NUP153: variants seen among roughly 807,000 people sequenced by gnomAD.
The protein encoded by NUP153 is nucleoporin 153.
Under a neutral mutation model 134.6 loss-of-function variants are expected in NUP153, and 27 were observed. The ratio of observed to expected loss-of-function variants is 0.20; its 90% CI spans 0.15 to 0.28. NUP153 has a LOEUF of 0.28. Among genes scored for constraint, NUP153 ranks in the 10% least tolerant of loss-of-function variants. The pLI, the probability that NUP153 is intolerant of heterozygous loss-of-function variation, is 1.00. For synonymous variants in NUP153, 640 were observed against 623.5 expected (o/e 1.03, Z -0.40); for missense variants, 1,821 against 1,731.3 (o/e 1.05, Z -0.92).
At position 17,705,588 on chromosome 6, in the gene NUP153, G is replaced by T. The variant is rs531633929; in HGVS notation, c.111+689C>A. On this transcript the variant is annotated intron_variant, in intron 1 of 21. Coordinates refer to ENST00000262077, the MANE Select transcript of NUP153 (RefSeq NM_005124.4). ...ATAAAGGCGGGGGTGGCGGTGTTGG[G>T]GGGGGGGAGGGGAGTCGCGCAGCAG... is the stretch of plus-strand genomic sequence containing the variant. Among the ~76,000 whole-genome samples, 4 of 150,358 alleles carry T rather than the reference G, an allele frequency of 2.7e-5. No individual in the cohort carries two copies. The South Asian group carries it at 6.4e-4, about 24-fold the overall frequency.
intron 12 of NUP153, among the ~76,000 whole-genome samples, 165 bp from the exon 13 acceptor site, chr6:17,648,070 TA>T (rs1456327613): frequency 6.6e-6 from 1 of 152,230 alleles, no homozygotes; most frequent in East Asian, 1.9e-4. Context: ...AACTGTGTTA[TA>T]AAATGTGGCT....
intron 11 of NUP153, chr6:17,652,045 A>C (rs1325104011): frequency 2.6e-6 from 1 of 383,352 alleles, no homozygotes; most frequent in Non-Finnish European, 4.6e-6. Context: ...GTGACATCTC[A>C]TCTCAAAAAT....
intron 1 of NUP153, among the ~76,000 whole-genome samples, chr6:17,702,125 T>C (rs1770152910): frequency 1.3e-5 from 2 of 152,128 alleles, no homozygotes; most frequent in Admixed American, 1.3e-4. Context: ...TTTCTGTGCC[T>C]GACAATCTGA....
intron 16 of NUP153, 100 bp from the exon 17 acceptor site, chr6:17,632,944 C>A: frequency 1.3e-6 from 1 of 794,308 alleles, no homozygotes; most frequent in Non-Finnish European, 1.9e-6. Context: ...TTTAAGTGTT[C>A]AGTTTCTAAT....
intron 5 of NUP153, among the ~76,000 whole-genome samples, chr6:17,673,053 A>G (rs1009686461): frequency 2.6e-5 from 4 of 152,162 alleles, no homozygotes; most frequent in Non-Finnish European, 4.4e-5. Context: ...ACGCACACAC[A>G]CACACAAAAG....
intron 17 of NUP153, 90 bp from the exon 18 acceptor site, chr6:17,629,629 G>C (rs1765129474): frequency 4.1e-6 from 5 of 1,225,800 alleles, no homozygotes; most frequent in South Asian, 1.6e-5. Context: ...AAGAAACATA[G>C]GAGTAACTTT....
At chr6:17,647,972 G>T in intron 12 of NUP153, 67 bp from the exon 13 acceptor site, 1 of 967,808 alleles carries the variant, frequency 1.0e-6, no homozygotes, top group Non-Finnish European at 1.6e-6. Context: ...TGACAAAAAA[G>T]ACATTAAGCA....
intron 17 of NUP153, 40 bp from the exon 18 acceptor site, chr6:17,629,579 A>G (rs758320159): frequency 5.1e-5 from 78 of 1,515,096 alleles, no homozygotes; most frequent in Middle Eastern, 1.9e-4. Context: ...CACTCAATGT[A>G]CTGATCCTCT....
chr6:17,696,008 C>CA lies in NUP153; in HGVS notation c.112-7391dup, dbSNP rs113118202. The stretch of plus-strand genomic sequence containing the variant: ...TGGGTGACAGAGTGAGACTCCGTCT[C>CA]AAAAAAAAAAACAGAAAAAGAAAAT... On this transcript the variant is annotated intron_variant, in intron 1 of 21. Coordinates refer to ENST00000262077, the MANE Select transcript of NUP153 (RefSeq NM_005124.4). Among the ~76,000 whole-genome samples, 816 of 134,120 alleles carry CA rather than the reference C, an allele frequency of 6.1e-3. 1 individual carries two copies. Among genetic ancestry groups the CA allele is most frequent in the African/African-American group, 0.016 (588 of 36,684 alleles). The allele number at this position is 134,120 out of a possible 152,430, so 88.0% of individuals were successfully genotyped here.
rs1369724941 is a variant in NUP153, at chr6:17,628,397, A to C, written c.3544+258T>G. Reference sequence around the variant, plus strand: ...CAAACAGAAGAGAAAGACACACATAAATATGCACTATATTGAGCTTTGCAT... The same window carrying C: ...CAAACAGAAGAGAAAGACACACATACATATGCACTATATTGAGCTTTGCAT... On this transcript the variant is annotated intron_variant, in intron 18 of 21. Coordinates refer to ENST00000262077, the MANE Select transcript of NUP153 (RefSeq NM_005124.4). This position sits in a 1 kb window ranked among gnomAD's most constrained non-coding sequence, Gnocchi z 5.4. Among the ~76,000 whole-genome samples the C allele has an allele frequency of 1.3e-5, 2 of 152,168 alleles. No homozygotes were observed. Among genetic ancestry groups the C allele is most frequent in the South Asian group, 2.1e-4 (1 of 4,832 alleles).
rs1168842656 is a variant in NUP153, at chr6:17,625,002, T to C, written c.3902-169A>G. 1.3e-5 allele frequency among the ~76,000 whole-genome samples: 2 copies of C among 152,196 alleles called. No homozygotes were observed. Among genetic ancestry groups the C allele is most frequent in the African/African-American group, 4.8e-5 (2 of 41,450 alleles). The stretch of plus-strand genomic sequence containing the variant: ...AATAATGATTGAGAATACAACGCTC[T>C]CTACCATTATTTAGTGAAACATACT... On this transcript the variant is annotated intron_variant, in intron 19 of 21. Coordinates refer to ENST00000262077, the MANE Select transcript of NUP153 (RefSeq NM_005124.4). This position sits in a 1 kb window ranked among gnomAD's most constrained non-coding sequence, Gnocchi z 4.7.
At chr6:17,635,679 G>A (rs1033729247) in intron 16 of NUP153, among the ~76,000 whole-genome samples, 13 of 152,172 alleles carry the variant, frequency 8.5e-5, no homozygotes, top group African/African-American at 2.4e-4. Context: ...GATTACAGGC[G>A]TGAGCCACAG....
intron 1 of NUP153, among the ~76,000 whole-genome samples, chr6:17,691,459 T>C (rs1769269368): frequency 6.6e-6 from 1 of 152,092 alleles, no homozygotes; most frequent in African/African-American, 2.4e-5. Flanking sequence ...TTAAAAGCTA[T>C]AATACAGTTT....
rs757766943 is a variant in NUP153 at position 17,638,943 on chromosome 6, T to C, written c.1846+996A>G. Among the ~76,000 whole-genome samples the C allele has an allele frequency of 1.3e-5, 2 of 152,232 alleles. No individual in the cohort carries two copies. Among genetic ancestry groups the C allele is most frequent in the Non-Finnish European group, 2.9e-5 (2 of 68,038 alleles). On this transcript the variant is annotated intron_variant, in intron 15 of 21. Coordinates refer to ENST00000262077, the MANE Select transcript of NUP153 (RefSeq NM_005124.4). The surrounding 1 kb of genome is among the most constrained non-coding windows in gnomAD (Gnocchi z 4.0). ...AGAAAAATTGAATCCTCCTAAATCC[T>C]GTTGTAAAAGCCAACCTTATTTTTT...
At position 17,625,950 on chromosome 6, in the gene NUP153, T is replaced by C. The variant is rs375926589; in HGVS notation, c.3759A>G (p.Leu1253=). 1.6e-5 allele frequency: 26 copies of C among 1,614,044 alleles called. 1 individual carries two copies. The highest frequency in any genetic ancestry group is 1.6e-4 in the Middle Eastern group (1 of 6,062). Reference sequence around the variant, plus strand: ...TTGCTAGTTTGCTATCTTGAGAAAATAGCAAAGACTGAGAGGTGCTGGATT... The same window carrying C: ...TTGCTAGTTTGCTATCTTGAGAAAACAGCAAAGACTGAGAGGTGCTGGATT... ...TAESSTSQSL[L]FSQDSKLATT... Residue 1253 remains leucine (L), a synonymous_variant, in exon 19 of 22, where the codon CTA becomes CTG. Transcript: ENST00000262077. The surrounding 1 kb of genome is among the most constrained non-coding windows in gnomAD (Gnocchi z 4.7).
chr6:17,649,118 T>A (rs1021684259), intron 12 of NUP153, 45 bp downstream of exon 12: 2 of 1,522,046 alleles, frequency 1.3e-6, no homozygotes, highest in African/African-American at 2.8e-5. Flanking sequence ...AATAAAGAAT[T>A]AAGAAAGAAC....
At chr6:17,631,510 A>C (rs918831974) in intron 17 of NUP153, among the ~76,000 whole-genome samples, 2 of 152,124 alleles carry the variant, frequency 1.3e-5, no homozygotes, top group Non-Finnish European at 2.9e-5. Context: ...CCCCCATCCC[A>C]TCCTCTCACC....
At chr6:17,673,297 G>A (rs1768025821) in intron 5 of NUP153, among the ~76,000 whole-genome samples, 1 of 152,102 alleles carries the variant, frequency 6.6e-6, no homozygotes, top group South Asian at 2.1e-4. Flanking sequence ...GAACCCAGGA[G>A]GTGGAGGGTG....
At chr6:17,634,668 C>G (rs1765433706) in intron 16 of NUP153, among the ~76,000 whole-genome samples, 1 of 152,182 alleles carries the variant, frequency 6.6e-6, no homozygotes, top group Non-Finnish European at 1.5e-5. Flanking sequence ...AACTCCTGAC[C>G]TCAGGTGATC....
Sources: allele counts gnomAD v4.1 joint callset (sites outside exome capture counted in the v4.1 genomes callset), GRCh38; gene constraint gnomAD v4.1.1; non-coding constraint Gnocchi (gnomAD v3.1); transcripts MANE v1.5; gene names NCBI Gene and HGNC (gene_info 2026-07-23, HGNC 2026-07-21).